Variants in AHCYL2 observed in about 807,000 individuals in gnomAD.
The protein encoded by AHCYL2 is S-adenosylhomocysteine hydrolase-like protein 2.
AHCYL2 carries 28 observed loss-of-function variants against 81.4 expected under a neutral mutation model. The observed-to-expected ratio is 0.34, with a 90% CI of 0.25 to 0.47. The LOEUF is 0.47. Ranked by LOEUF, AHCYL2 falls within the 20% of genes least tolerant of loss-of-function variation. The pLI is 1.00. For synonymous variants in AHCYL2, 272 were observed against 290.2 expected (o/e 0.94, Z 0.64); for missense variants, 551 against 785.1 (o/e 0.70, Z 3.56).
At position 129,368,526 on chromosome 7, in the gene AHCYL2, C is replaced by T; in HGVS notation, c.364-11112C>T. On this transcript the variant is annotated intron_variant, in intron 1 of 16. Transcript: ENST00000325006. This position sits in a 1 kb window ranked among gnomAD's most constrained non-coding sequence, Gnocchi z 4.4. ...AAGTGGGACGGTAATGAGGGCACCT[C>T]AGCTTTTCACATGCCTGAGTGGATG... 6.2e-7 allele frequency: 1 copy of T among 1,614,016 alleles called. No homozygotes were observed. The highest frequency in any genetic ancestry group is 1.3e-5 in the African/African-American group (1 of 75,058).
At chr7:129,243,276 G>A (rs1235059377) in intron 1 of AHCYL2, among the ~76,000 whole-genome samples, 1 of 151,922 alleles carries the variant, frequency 6.6e-6, no homozygotes, top group Admixed American at 6.6e-5. Flanking sequence ...ACCTGCCTCG[G>A]CCTCCCAAAG....
At chr7:129,276,235 A>AG (rs1406240464) in intron 1 of AHCYL2, among the ~76,000 whole-genome samples, 6 of 152,214 alleles carry the variant, frequency 3.9e-5, no homozygotes. Flanking sequence ...ATTTAGAGGG[A>AG]AATTTATATC....
intron 5 of AHCYL2, among the ~76,000 whole-genome samples, chr7:129,398,199 C>T (rs1200121518): frequency 2.0e-5 from 3 of 151,148 alleles, no homozygotes; most frequent in South Asian, 4.2e-4. Flanking sequence ...TTTGAAGACA[C>T]AGGGTCTTGC....
At chr7:129,299,024 A>G (rs1376056621) in intron 1 of AHCYL2, among the ~76,000 whole-genome samples, 1 of 152,206 alleles carries the variant, frequency 6.6e-6, no homozygotes, top group African/African-American at 2.4e-5. Context: ...ACATAAATGA[A>G]TGAGTTCCAA....
chr7:129,386,378 G>T (rs1215493191), intron 2 of AHCYL2, among the ~76,000 whole-genome samples: 4 of 151,924 alleles, frequency 2.6e-5, no homozygotes, highest in Non-Finnish European at 5.9e-5. Flanking sequence ...CAGGATAATT[G>T]CTTGAACCCA....
intron 1 of AHCYL2, among the ~76,000 whole-genome samples, chr7:129,238,210 A>G (rs1794708237): frequency 1.3e-5 from 2 of 152,194 alleles, no homozygotes; most frequent in Admixed American, 6.5e-5. Flanking sequence ...GCTTTATTGG[A>G]TATACAGCTC....
chr7:129,283,402 TTTTG>T lies in AHCYL2; in HGVS notation c.363+57975_363+57978del, dbSNP rs1356268489. ...TCATTTCATGTATTTTCTCTGCTTTTTTTGTTTGTTTGTTTCAGGCAGGTAGGTA... is the reference window on the plus strand; with the variant it reads ...TCATTTCATGTATTTTCTCTGCTTTTTTTGTTTGTTTCAGGCAGGTAGGTA... On this transcript the variant is annotated intron_variant, in intron 1 of 16. Coordinates refer to ENST00000325006, the MANE Select transcript of AHCYL2 (RefSeq NM_015328.4). The T allele has an allele frequency of 2.2e-5, 10 of 455,948 alleles. No individual in the cohort carries two copies. In the East Asian group the frequency reaches 4.2e-4, roughly 19 times the overall value. The allele number at this position is 455,948 out of a possible 1,614,324, so 28.2% of individuals were successfully genotyped here.
chr7:129,295,771 G>C (rs1386785964), intron 1 of AHCYL2, among the ~76,000 whole-genome samples: 2 of 152,184 alleles, frequency 1.3e-5, no homozygotes, highest in Admixed American at 6.5e-5. Context: ...CATCCTCAGA[G>C]GGTTAATGCA....
At chr7:129,322,552 G>A (rs961739583) in intron 1 of AHCYL2, among the ~76,000 whole-genome samples, 5 of 152,120 alleles carry the variant, frequency 3.3e-5, no homozygotes, top group African/African-American at 9.7e-5. Context: ...CAAAGTATTT[G>A]TTGAATGTCT....
intron 1 of AHCYL2, among the ~76,000 whole-genome samples, chr7:129,349,876 T>C (rs1294254246): frequency 6.6e-6 from 1 of 152,324 alleles, no homozygotes; most frequent in South Asian, 2.1e-4. Flanking sequence ...GTTGTAGTTC[T>C]ACACTAATAA....
chr7:129,348,393 A>ACCC (rs567237209), intron 1 of AHCYL2, among the ~76,000 whole-genome samples: 1 of 136,488 alleles, frequency 7.3e-6, no homozygotes, highest in African/African-American at 2.7e-5. Context: ...AGAAACAATA[A>ACCC]CCCCCCCCCC....
chr7:129,276,736 C>CAAAAA lies in AHCYL2; in HGVS notation c.363+51308_363+51312dup, dbSNP rs374792572. 5.6e-5 allele frequency among the ~76,000 whole-genome samples: 7 copies of CAAAAA among 124,988 alleles called. 1 individual carries two copies. Among genetic ancestry groups the CAAAAA allele is most frequent in the East Asian group, 4.6e-4 (2 of 4,302 alleles). The allele number at this position is 124,988 out of a possible 152,430, so 82.0% of individuals were successfully genotyped here. A position where few individuals can be genotyped will look rare whatever the true frequency, so the allele number is the denominator to read the frequency against. On this transcript the variant is annotated intron_variant, in intron 1 of 16. Transcript: ENST00000325006. The stretch of plus-strand genomic sequence containing the variant: ...TGCACTCCAGCCTGGGCAACTGTCT[C>CAAAAA]AAAAAAAAAAAAAAAGAAAAAAACC...
At chr7:129,335,902 T>C (rs1208377962) in intron 1 of AHCYL2, among the ~76,000 whole-genome samples, 1 of 152,134 alleles carries the variant, frequency 6.6e-6, no homozygotes, top group Non-Finnish European at 1.5e-5. Flanking sequence ...GGACAGGTCC[T>C]AAATCCCACT....
At chr7:129,363,432 T>C (rs1384217051) in intron 1 of AHCYL2, among the ~76,000 whole-genome samples, 3 of 152,220 alleles carry the variant, frequency 2.0e-5, no homozygotes, top group Non-Finnish European at 4.4e-5. Context: ...CAGAAAGACG[T>C]AGTGAGGTTG....
intron 4 of AHCYL2, among the ~76,000 whole-genome samples, chr7:129,393,003 A>G (rs527889502): frequency 1.3e-5 from 2 of 152,342 alleles, no homozygotes; most frequent in East Asian, 1.9e-4. Context: ...GATATATCCT[A>G]TCAGGTGACA....
chr7:129,252,603 C>G (rs911453384), intron 1 of AHCYL2, among the ~76,000 whole-genome samples: 1 of 152,068 alleles, frequency 6.6e-6, no homozygotes, highest in African/African-American at 2.4e-5. Flanking sequence ...CCTACCTTTC[C>G]AAAAAATTAA....
At chr7:129,252,712 A>G (rs1245227225) in intron 1 of AHCYL2, among the ~76,000 whole-genome samples, 1 of 152,056 alleles carries the variant, frequency 6.6e-6, no homozygotes, top group African/African-American at 2.4e-5. Context: ...GGCTGCAGTG[A>G]GCTATGATCG....
intron 1 of AHCYL2, among the ~76,000 whole-genome samples, chr7:129,288,814 G>A (rs1796730936): frequency 6.6e-6 from 1 of 152,020 alleles, no homozygotes; most frequent in Non-Finnish European, 1.5e-5. Flanking sequence ...TGTCACCCAG[G>A]CTGGAGGTGC....
At chr7:129,230,862 C>T (rs949518501) in intron 1 of AHCYL2, among the ~76,000 whole-genome samples, 5 of 152,168 alleles carry the variant, frequency 3.3e-5, no homozygotes, top group South Asian at 2.1e-4. Flanking sequence ...TCAGCCACCA[C>T]GCCTGGCCCT....
Sources: gnomAD v4.1 joint callset for allele counts (sites outside exome capture counted in the v4.1 genomes callset) on GRCh38, gnomAD v4.1.1 for gene constraint, Gnocchi (gnomAD v3.1) non-coding constraint, MANE v1.5 for transcripts, NCBI Gene and HGNC (gene_info 2026-07-23, HGNC 2026-07-21) for gene names.